GRIK4: variants seen among roughly 807,000 people sequenced by gnomAD.
GRIK4 encodes glutamate ionotropic receptor kainate type subunit 4, also known as glutamate receptor ionotropic, kainate 4.
A neutral mutation model predicts 104.9 loss-of-function variants in GRIK4; 40 were observed. That is an observed-to-expected ratio of 0.38 (90% CI 0.30 to 0.50). The LOEUF is 0.50. Among genes scored for constraint, GRIK4 ranks in the 20% least tolerant of loss-of-function variants. The pLI, the probability that GRIK4 is intolerant of heterozygous loss-of-function variation, is 0.93. For missense variants in GRIK4, 1,047 were observed against 1,308.1 expected (o/e 0.80, Z 3.08); for synonymous variants, 485 against 524.9 (o/e 0.92, Z 1.04).
At chr11:120,597,257 T>G (rs1476419553) in intron 1 of GRIK4, among the ~76,000 whole-genome samples, 1 of 152,204 alleles carries the variant, frequency 6.6e-6, no homozygotes, top group East Asian at 1.9e-4. Context: ...CTGGTTCTGC[T>G]CCTTACCTGC....
chr11:120,519,180 T>A (rs1389780719), intron 1 of GRIK4, among the ~76,000 whole-genome samples: 1 of 152,220 alleles, frequency 6.6e-6, no homozygotes, highest in Non-Finnish European at 1.5e-5. Context: ...TAATAATAGC[T>A]AATAAGTATT....
chr11:120,818,313 C>T lies in GRIK4; in HGVS notation c.346-1442C>T, dbSNP rs527704480. 9.2e-5 allele frequency among the ~76,000 whole-genome samples: 14 copies of T among 152,364 alleles called. No individual in the cohort carries two copies. In the East Asian group the frequency reaches 2.7e-3, roughly 29 times the overall value. On this transcript the variant is annotated intron_variant, in intron 5 of 20. Coordinates refer to ENST00000527524, the MANE Select transcript of GRIK4 (RefSeq NM_014619.5). The stretch of plus-strand genomic sequence containing the variant: ...TACCCTGCCCCTGTCGGGCCTTCCC[C>T]TCTATCTTGCCCATTTGTGACCTTT...
chr11:120,558,351 G>A (rs1948207361), intron 1 of GRIK4, among the ~76,000 whole-genome samples: 1 of 152,226 alleles, frequency 6.6e-6, no homozygotes, highest in African/African-American at 2.4e-5. Flanking sequence ...ACTTTGGGAG[G>A]CCGAGGTGGG....
At chr11:120,870,939 G>A (rs142901623) in intron 9 of GRIK4, 10 of 152,430 alleles carry the variant, frequency 6.6e-5, no homozygotes, top group African/African-American at 2.4e-4. Context: ...TAGAGATGGG[G>A]TTTCACCGTG....
intron 3 of GRIK4, among the ~76,000 whole-genome samples, chr11:120,758,805 A>ATC (rs1951696299): frequency 6.6e-6 from 1 of 152,198 alleles, no homozygotes. Flanking sequence ...TTGGTGTCTT[A>ATC]TCTACCAACT....
chr11:120,648,276 G>T (rs1183618251), intron 1 of GRIK4, among the ~76,000 whole-genome samples: 2 of 152,234 alleles, frequency 1.3e-5, no homozygotes, highest in East Asian at 1.9e-4. Context: ...AAGGTGATGG[G>T]CCCTAGACGG....
chr11:120,634,838 C>T (rs542297421), intron 1 of GRIK4, among the ~76,000 whole-genome samples: 26 of 152,242 alleles, frequency 1.7e-4, no homozygotes, highest in Admixed American at 1.2e-3. Flanking sequence ...GCCCAGCTCA[C>T]GGAGTCGCCA....
In GRIK4 at chr11:120,952,785, C is replaced by A; in HGVS notation, c.1591-70C>A. The A allele has an allele frequency of 3.8e-6, 4 of 1,049,296 alleles. No individual in the cohort carries two copies. The highest frequency in any genetic ancestry group is 3.8e-5 in the South Asian group (3 of 79,930). 65.0% of individuals were successfully genotyped at this position (1,049,296 alleles called of 1,614,324 possible). On this transcript the variant is annotated intron_variant, in intron 14 of 20. Coordinates refer to ENST00000527524, the MANE Select transcript of GRIK4 (RefSeq NM_014619.5). This position sits in a 1 kb window ranked among gnomAD's most constrained non-coding sequence, Gnocchi z 5.2. Reference sequence around the variant, plus strand: ...CCCACACTCACTACCTCCTCTACCCCGCCCTGCCTGCCCCAAGGTCATGTT... The same window carrying A: ...CCCACACTCACTACCTCCTCTACCCAGCCCTGCCTGCCCCAAGGTCATGTT...
intron 9 of GRIK4, among the ~76,000 whole-genome samples, chr11:120,863,057 T>C (rs1954304258): frequency 6.6e-6 from 1 of 152,198 alleles, no homozygotes; most frequent in South Asian, 2.1e-4. Flanking sequence ...CCAGGCCGTA[T>C]GGCTTTACAG....
At chr11:120,745,329 A>T (rs758932239) in intron 3 of GRIK4, among the ~76,000 whole-genome samples, 1 of 151,758 alleles carries the variant, frequency 6.6e-6, no homozygotes, top group East Asian at 1.9e-4. Context: ...AAATCTATAA[A>T]TTTTTTTTTC....
chr11:120,753,218 C>A (rs1267285328), intron 3 of GRIK4, among the ~76,000 whole-genome samples: 2 of 152,032 alleles, frequency 1.3e-5, no homozygotes, highest in Non-Finnish European at 2.9e-5. Flanking sequence ...TGGTGCGGAG[C>A]CTGAGGGGCC....
chr11:120,726,477 T>C (rs58086388), intron 3 of GRIK4, among the ~76,000 whole-genome samples: 5,359 of 152,254 alleles, frequency 0.035, 125 homozygotes, highest in East Asian at 0.093. Context: ...GAATTAGAGA[T>C]GTATTTTGGA....
At chr11:120,741,446 T>C (rs187822321) in intron 3 of GRIK4, among the ~76,000 whole-genome samples, 258 of 151,962 alleles carry the variant, frequency 1.7e-3, no homozygotes, top group Non-Finnish European at 2.7e-3. Flanking sequence ...GCCCAGCTAA[T>C]TTTTGTATTT....
intron 13 of GRIK4, among the ~76,000 whole-genome samples, chr11:120,908,582 A>G (rs1041458467): frequency 3.3e-5 from 5 of 152,174 alleles, no homozygotes; most frequent in African/African-American, 1.2e-4. Context: ...CCACAGACAC[A>G]GAGGTGAGGG....
At chr11:120,923,247 C>A (rs1203092290) in intron 13 of GRIK4, among the ~76,000 whole-genome samples, 1 of 152,024 alleles carries the variant, frequency 6.6e-6, no homozygotes, top group Non-Finnish European at 1.5e-5. Context: ...GAAAAACTTA[C>A]CAGGTGGGAT....
chr11:120,587,377 C>T (rs865774321), intron 1 of GRIK4, among the ~76,000 whole-genome samples: 3 of 152,014 alleles, frequency 2.0e-5, no homozygotes, highest in African/African-American at 4.8e-5. Flanking sequence ...GAAAGGAGAC[C>T]GTGAGCTTTG....
chr11:120,956,622 AT>A lies in GRIK4; in HGVS notation c.1701-148del, dbSNP rs907696441. Among the ~76,000 whole-genome samples the A allele has an allele frequency of 8.7e-5, 13 of 148,680 alleles. No individual in the cohort carries two copies. The highest frequency in any genetic ancestry group is 2.1e-4 in the South Asian group (1 of 4,694). On this transcript the variant is annotated intron_variant, in intron 15 of 20. Transcript: ENST00000527524. This position sits in a 1 kb window ranked among gnomAD's most constrained non-coding sequence, Gnocchi z 4.6. ...CAGTTCAACCCACTTATTTTATTTTATTTTTTTTTTGGTTGCGAAACTCCAA... is the reference window on the plus strand; with the variant it reads ...CAGTTCAACCCACTTATTTTATTTTATTTTTTTTTGGTTGCGAAACTCCAA...
chr11:120,677,640 A>T (rs989060973), intron 3 of GRIK4, among the ~76,000 whole-genome samples: 4 of 152,220 alleles, frequency 2.6e-5, no homozygotes, highest in African/African-American at 9.6e-5. Flanking sequence ...AAGGAACTAG[A>T]GGGCGATACG....
intron 3 of GRIK4, among the ~76,000 whole-genome samples, chr11:120,764,793 T>G (rs1215436307): frequency 6.6e-6 from 1 of 152,182 alleles, no homozygotes; most frequent in East Asian, 1.9e-4. Flanking sequence ...CCCCACTCTC[T>G]TCTGGCTTGT....
Sources: gnomAD v4.1 joint callset for allele counts (sites outside exome capture counted in the v4.1 genomes callset) on GRCh38, gnomAD v4.1.1 for gene constraint, Gnocchi (gnomAD v3.1) non-coding constraint, MANE v1.5 for transcripts, NCBI Gene and HGNC (gene_info 2026-07-23, HGNC 2026-07-21) for gene names.